Variants in RBFOX1 observed in about 807,000 individuals in gnomAD.
The protein encoded by RBFOX1 is RNA binding protein fox-1 homolog 1.
In RBFOX1, 8 loss-of-function variants were observed where a neutral mutation model predicts 57.7. The observed-to-expected ratio is 0.14, with a 90% CI of 0.08 to 0.25. The LOEUF is 0.25. Among genes scored for constraint, RBFOX1 ranks in the 10% least tolerant of loss-of-function variants. The pLI is 1.00. For synonymous variants in RBFOX1, 326 were observed against 222.4 expected (o/e 1.47, Z -4.15); for missense variants, 611 against 548.5 (o/e 1.11, Z -1.14).
chr16:7,004,283 T>G (rs903120451), intron 3 of RBFOX1, among the ~76,000 whole-genome samples: 2 of 152,190 alleles, frequency 1.3e-5, no homozygotes, highest in South Asian at 2.1e-4. Context: ...ATATATTAAT[T>G]AGATTAAATT....
intron 2 of RBFOX1, among the ~76,000 whole-genome samples, chr16:5,491,384 C>T (rs888169969): frequency 3.9e-5 from 6 of 152,144 alleles, no homozygotes; most frequent in South Asian, 2.1e-4. Context: ...TCAATGGAAT[C>T]GCACAGTAGT....
At chr16:5,951,400 A>G (rs899952996) in intron 4 of RBFOX1, among the ~76,000 whole-genome samples, 1 of 152,160 alleles carries the variant, frequency 6.6e-6, no homozygotes, top group Non-Finnish European at 1.5e-5. Flanking sequence ...CAGAGTCGAG[A>G]TGGCACCACT....
chr16:6,088,251 C>T (rs1415506493), intron 1 of RBFOX1, among the ~76,000 whole-genome samples: 1 of 151,476 alleles, frequency 6.6e-6, no homozygotes, highest in Non-Finnish European at 1.5e-5. Context: ...TGTTTTTCCT[C>T]AGGAATGTTT....
intron 4 of RBFOX1, among the ~76,000 whole-genome samples, chr16:7,414,823 A>T (rs889378897): frequency 4.6e-5 from 7 of 152,092 alleles, no homozygotes; most frequent in Non-Finnish European, 8.8e-5. Flanking sequence ...TTGCCATGTT[A>T]GCCAGGCTGG....
At chr16:6,906,046 G>A (rs896920573) in intron 3 of RBFOX1, among the ~76,000 whole-genome samples, 1 of 152,138 alleles carries the variant, frequency 6.6e-6, no homozygotes, top group African/African-American at 2.4e-5. Context: ...AGTAGAATCA[G>A]GAACAGTGAG....
At chr16:7,670,084 T>G (rs2070879473) in intron 13 of RBFOX1, among the ~76,000 whole-genome samples, 1 of 152,060 alleles carries the variant, frequency 6.6e-6, no homozygotes, top group Non-Finnish European at 1.5e-5. Context: ...CAGGGTGGAG[T>G]GCAGTGGCAT....
At chr16:6,886,851 T>C (rs1022957343) in intron 3 of RBFOX1, among the ~76,000 whole-genome samples, 2 of 152,106 alleles carry the variant, frequency 1.3e-5, no homozygotes, top group East Asian at 1.9e-4. Flanking sequence ...CAGTGAAATA[T>C]GGCAAAAATA....
At chr16:5,684,898 C>T (rs1406770898) in intron 3 of RBFOX1, among the ~76,000 whole-genome samples, 1 of 152,120 alleles carries the variant, frequency 6.6e-6, no homozygotes, top group African/African-American at 2.4e-5. Flanking sequence ...ACTTGAGTTC[C>T]AGGCATCAGG....
At chr16:7,552,046 C>T (rs1420939458) in intron 5 of RBFOX1, among the ~76,000 whole-genome samples, 1 of 152,144 alleles carries the variant, frequency 6.6e-6, no homozygotes, top group Non-Finnish European at 1.5e-5. Flanking sequence ...TACCCCTCCC[C>T]ACAATTGTAT....
At chr16:7,290,929 C>A (rs2095757702) in intron 4 of RBFOX1, among the ~76,000 whole-genome samples, 1 of 152,334 alleles carries the variant, frequency 6.6e-6, no homozygotes, top group South Asian at 2.1e-4. Flanking sequence ...CACAGAGGTG[C>A]TATCATCCTT....
At chr16:5,989,046 C>T (rs539464524) in intron 4 of RBFOX1, among the ~76,000 whole-genome samples, 15 of 151,920 alleles carry the variant, frequency 9.9e-5, no homozygotes, top group African/African-American at 3.6e-4. Flanking sequence ...ACAAGCCAGG[C>T]GCGGTGGCTC....
intron 2 of RBFOX1, among the ~76,000 whole-genome samples, chr16:5,569,711 T>C (rs1398221506): frequency 6.6e-6 from 1 of 151,942 alleles, no homozygotes; most frequent in East Asian, 1.9e-4. Context: ...GTGGGGAGTA[T>C]TCAGTTGACG....
At chr16:7,015,763 T>A (rs892526792) in intron 3 of RBFOX1, among the ~76,000 whole-genome samples, 4 of 152,184 alleles carry the variant, frequency 2.6e-5, no homozygotes, top group African/African-American at 9.6e-5. Flanking sequence ...CATTTTCTTT[T>A]TTTTTCTTAA....
At chr16:5,941,733 GT>G (rs1261928173) in intron 4 of RBFOX1, among the ~76,000 whole-genome samples, 5 of 151,842 alleles carry the variant, frequency 3.3e-5, no homozygotes, top group Non-Finnish European at 5.9e-5. Context: ...CCATACAGAG[GT>G]TGAAACTGAA....
At chr16:5,807,062 G>A (rs1347168579) in intron 3 of RBFOX1, among the ~76,000 whole-genome samples, 2 of 152,214 alleles carry the variant, frequency 1.3e-5, no homozygotes, top group Non-Finnish European at 2.9e-5. Context: ...GCCTGGCCCA[G>A]TGGGAAGATG....
At position 7,658,373 on chromosome 16, in the gene RBFOX1, T is replaced by C. The variant is rs544998780; in HGVS notation, c.890+4426T>C. Among the ~76,000 whole-genome samples, 3 of 152,258 alleles carry C rather than the reference T, an allele frequency of 2.0e-5. No homozygotes were observed. In the South Asian group the frequency reaches 6.2e-4, roughly 32 times the overall value. Reference sequence around the variant, plus strand: ...TGGAATATGTAGATTGAAAATACAATATTGAGTAGGGAACAGTCACAGAGC... The same window carrying C: ...TGGAATATGTAGATTGAAAATACAACATTGAGTAGGGAACAGTCACAGAGC... On this transcript the variant is annotated intron_variant, in intron 12 of 15. Coordinates refer to ENST00000550418, the MANE Select transcript of RBFOX1 (RefSeq NM_018723.4).
At chr16:5,325,148 C>T (rs2151259682) in intron 1 of RBFOX1, among the ~76,000 whole-genome samples, 1 of 152,072 alleles carries the variant, frequency 6.6e-6, no homozygotes, top group Non-Finnish European at 1.5e-5. Flanking sequence ...TCTACAACAC[C>T]TTCCCTTTCT....
At chr16:6,474,535 G>A (rs1224650087) in intron 2 of RBFOX1, among the ~76,000 whole-genome samples, 1 of 152,182 alleles carries the variant, frequency 6.6e-6, no homozygotes, top group Non-Finnish European at 1.5e-5. Context: ...TGTTAAATAA[G>A]CTTAGATTTA....
At chr16:7,228,031 A>G (rs968293230) in intron 4 of RBFOX1, among the ~76,000 whole-genome samples, 1 of 152,202 alleles carries the variant, frequency 6.6e-6, no homozygotes, top group Non-Finnish European at 1.5e-5. Context: ...CCCACCCACC[A>G]GGTTGTGATG....
Sources: gnomAD v4.1 joint callset for allele counts (sites outside exome capture counted in the v4.1 genomes callset) on GRCh38, gnomAD v4.1.1 for gene constraint, MANE v1.5 for transcripts, NCBI Gene and HGNC (gene_info 2026-07-23, HGNC 2026-07-21) for gene names.